The following CCDC149 variants were observed in gnomAD, a reference collection of about 807,000 sequenced individuals.
The protein encoded by CCDC149 is coiled-coil domain-containing protein 149.
CCDC149 carries 45 observed loss-of-function variants against 59.9 expected under a neutral mutation model. That is an observed-to-expected ratio of 0.75 (90% CI 0.59 to 0.96). The LOEUF (loss-of-function observed/expected upper bound fraction) is 0.96, where lower values mean the gene tolerates loss of function less well. CCDC149 is among the 40% of genes least tolerant of loss of function. CCDC149 has a pLI of 0.00. For missense variants in CCDC149, 584 were observed against 664.7 expected, an observed-to-expected ratio of 0.88 and a Z score of 1.33; for synonymous variants, 245 against 260.6, an observed-to-expected ratio of 0.94 and a Z score of 0.58.
intron 1 of CCDC149, among the ~76,000 whole-genome samples, chr4:24,901,044 T>G (rs1721137852): frequency 6.6e-6 from 1 of 152,242 alleles, no homozygotes; most frequent in African/African-American, 2.4e-5. Flanking sequence ...ATGTTTTTTC[T>G]TAAAGGTGGT....
chr4:24,878,955 C>T (rs993707097), intron 1 of CCDC149, among the ~76,000 whole-genome samples: 1 of 152,212 alleles, frequency 6.6e-6, no homozygotes, highest in Non-Finnish European at 1.5e-5. Flanking sequence ...AAACGCCTCC[C>T]TTGCTTCTGG....
rs541025079 is a variant in CCDC149 at position 24,838,652 on chromosome 4, G to C, written c.373-380C>G. ...TAACAATGAGGTGACATTATCAAGAGCCTTAAAAGTGTCCCTACCCAATGA... is the reference window on the plus strand; with the variant it reads ...TAACAATGAGGTGACATTATCAAGACCCTTAAAAGTGTCCCTACCCAATGA... On this transcript the variant is annotated intron_variant, in intron 4 of 12. Coordinates refer to ENST00000635206, the MANE Select transcript of CCDC149 (RefSeq NM_001330643.2). Among the ~76,000 whole-genome samples, 25 of 152,088 alleles carry C rather than the reference G, an allele frequency of 1.6e-4. No homozygotes were observed. The South Asian group carries it at 5.0e-3, about 30-fold the overall frequency.
chr4:24,895,493 T>C (rs1464612546), intron 1 of CCDC149, among the ~76,000 whole-genome samples: 2 of 152,238 alleles, frequency 1.3e-5, no homozygotes, highest in African/African-American at 2.4e-5. Flanking sequence ...CTGTATTTTC[T>C]AAATTTGGAG....
intron 1 of CCDC149, among the ~76,000 whole-genome samples, chr4:24,889,091 G>T (rs188456454): frequency 6.6e-6 from 1 of 152,254 alleles, no homozygotes; most frequent in Non-Finnish European, 1.5e-5. Flanking sequence ...TAGCTGGGGG[G>T]TATGTGAAAT....
chr4:24,847,973 T>C (rs867751983), intron 4 of CCDC149, among the ~76,000 whole-genome samples: 8 of 152,208 alleles, frequency 5.3e-5, no homozygotes, highest in Non-Finnish European at 7.3e-5. Flanking sequence ...CCTCAGGGTA[T>C]AGTAGTCCCC....
chr4:24,811,334 C>T (rs541123447), intron 12 of CCDC149, among the ~76,000 whole-genome samples: 3 of 152,100 alleles, frequency 2.0e-5, no homozygotes, highest in Admixed American at 6.5e-5. Flanking sequence ...TTCATATCTT[C>T]GATCCTTCAG....
At chr4:24,866,541 G>A (rs1405034585) in intron 3 of CCDC149, among the ~76,000 whole-genome samples, 1 of 151,930 alleles carries the variant, frequency 6.6e-6, no homozygotes, top group Non-Finnish European at 1.5e-5. Context: ...CAGTGCAAAG[G>A]GGCGCTCTGT....
chr4:24,849,548 G>T (rs1163976556), intron 4 of CCDC149, among the ~76,000 whole-genome samples: 1 of 152,192 alleles, frequency 6.6e-6, no homozygotes, highest in Non-Finnish European at 1.5e-5. Context: ...CCCCATGTGA[G>T]AGCTAAGCTG....
chr4:24,914,393 AAAAAAAAAAAAG>A (rs1177062700), upstream of CCDC149, among the ~76,000 whole-genome samples: 3 of 151,974 alleles, frequency 2.0e-5, no homozygotes, highest in Non-Finnish European at 4.4e-5. Context: ...CAGAAAAAAA[AAAAAAAAAAAAG>A]AAAAAAAAAG....
Position 24,881,270 on chromosome 4 carries a change from G to A in CCDC149, c.64-4573C>T, listed in dbSNP as rs80077699. ...GTTCTCCTTTCCTTCCAGGCATGTGGCAGGACGGTCCATCCCCATTGCTTT... is the reference window on the plus strand; with the variant it reads ...GTTCTCCTTTCCTTCCAGGCATGTGACAGGACGGTCCATCCCCATTGCTTT... On this transcript the variant is annotated intron_variant, in intron 1 of 12. Coordinates refer to ENST00000635206, the MANE Select transcript of CCDC149 (RefSeq NM_001330643.2). Among the ~76,000 whole-genome samples the A allele has an allele frequency of 9.7e-4, 148 of 152,332 alleles. 4 individuals carry two copies. The East Asian group carries it at 0.021, about 22-fold the overall frequency.
At chr4:24,900,206 T>C (rs1345368256) in intron 1 of CCDC149, among the ~76,000 whole-genome samples, 8 of 152,196 alleles carry the variant, frequency 5.3e-5, no homozygotes, top group Non-Finnish European at 1.2e-4. Flanking sequence ...GCTTTGCACA[T>C]AGTAATGCTC....
At chr4:24,841,983 A>T (rs1443342670) in intron 4 of CCDC149, among the ~76,000 whole-genome samples, 1 of 152,208 alleles carries the variant, frequency 6.6e-6, no homozygotes, top group African/African-American at 2.4e-5. Flanking sequence ...CTGGAGAGTG[A>T]GGGGTGACAG....
chr4:24,939,469 AC>A (rs1722888487), intron 1 of CCDC149, among the ~76,000 whole-genome samples: 1 of 152,150 alleles, frequency 6.6e-6, no homozygotes, highest in African/African-American at 2.4e-5. Flanking sequence ...AAAACTGGAA[AC>A]TCTAAAAATC....
Position 24,821,035 on chromosome 4 carries a change from A to G in CCDC149, c.1075+20T>C, listed in dbSNP as rs115613431. The G allele has an allele frequency of 8.0e-4, 983 of 1,226,094 alleles. 11 individuals are homozygous for G. In the African/African-American group the frequency reaches 0.013, roughly 16 times the overall value. 76.0% of individuals were successfully genotyped at this position (1,226,094 alleles called of 1,614,324 possible). A position where few individuals can be genotyped will look rare whatever the true frequency, so the allele number is the denominator to read the frequency against. ...CTGCTGATATTAGCCACAAAAACGG[A>G]TATTTTAAACAGAACATACTCCCAA... is the stretch of plus-strand genomic sequence containing the variant. On this transcript the variant is annotated intron_variant, in intron 11 of 12. Coordinates refer to ENST00000635206, the MANE Select transcript of CCDC149 (RefSeq NM_001330643.2).
chr4:24,903,685 T>G (rs927823400), intron 1 of CCDC149, among the ~76,000 whole-genome samples: 2 of 152,148 alleles, frequency 1.3e-5, no homozygotes, highest in South Asian at 4.1e-4. Flanking sequence ...AATCGAGACA[T>G]AGAATACATC....
intron 1 of CCDC149, among the ~76,000 whole-genome samples, chr4:24,930,159 T>C (rs1409570129): frequency 6.6e-6 from 1 of 152,248 alleles, no homozygotes; most frequent in Non-Finnish European, 1.5e-5. Flanking sequence ...ACAGAAATGA[T>C]GTGTGCCACT....
chr4:24,940,346 G>A (rs1295163736), intron 1 of CCDC149, among the ~76,000 whole-genome samples: 5 of 152,172 alleles, frequency 3.3e-5, no homozygotes, highest in Non-Finnish European at 7.4e-5. Context: ...AGCAAATGCT[G>A]AGAGATTTTG....
intron 1 of CCDC149, among the ~76,000 whole-genome samples, chr4:24,932,909 C>A (rs1314362129): frequency 1.3e-5 from 2 of 152,170 alleles, no homozygotes; most frequent in East Asian, 3.8e-4. Context: ...GAGCAATGAT[C>A]TGGGAGAGGA....
chr4:24,934,936 T>C (rs867709767), intron 1 of CCDC149, among the ~76,000 whole-genome samples: 1 of 152,208 alleles, frequency 6.6e-6, no homozygotes, highest in Non-Finnish European at 1.5e-5. Flanking sequence ...ATCAGATCTT[T>C]ATATTTTATT....
Sources: gnomAD v4.1 joint callset for allele counts (sites outside exome capture counted in the v4.1 genomes callset) on GRCh38, gnomAD v4.1.1 for gene constraint, MANE v1.5 for transcripts, NCBI Gene and HGNC (gene_info 2026-07-23, HGNC 2026-07-21) for gene names.